The following SH3YL1 variants were observed in gnomAD, a reference collection of about 807,000 sequenced individuals.
The protein encoded by SH3YL1 is SH3 and SYLF domain containing 1.
In SH3YL1, 41 loss-of-function variants were observed where a neutral mutation model predicts 45.8. That is an observed-to-expected ratio of 0.89 (90% CI 0.70 to 1.16). The LOEUF (loss-of-function observed/expected upper bound fraction) is 1.16. Among genes scored for constraint, SH3YL1 ranks in the 50% most tolerant of loss-of-function variants. The pLI is 0.00. For synonymous variants in SH3YL1, 152 were observed against 151.4 expected, an observed-to-expected ratio of 1.00 and a Z score of -0.03; for missense variants, 389 against 409.6, an observed-to-expected ratio of 0.95 and a Z score of 0.43.
intron 1 of SH3YL1, among the ~76,000 whole-genome samples, chr2:255,159 G>C (rs959211817): frequency 6.6e-6 from 1 of 152,196 alleles, no homozygotes; most frequent in African/African-American, 2.4e-5. Flanking sequence ...ACCTGTGTCA[G>C]AGCTCATGTA....
chr2:259,924 T>C (rs1202509646), intron 1 of SH3YL1: 1 of 151,976 alleles, frequency 6.6e-6, no homozygotes, highest in Admixed American at 6.6e-5. Context: ...TTCAATTTCA[T>C]AGTGGAAAAG....
At chr2:255,556 T>A (rs1277521246) in intron 1 of SH3YL1, among the ~76,000 whole-genome samples, 1 of 152,144 alleles carries the variant, frequency 6.6e-6, no homozygotes, top group East Asian at 1.9e-4. Flanking sequence ...ATGACTGGGC[T>A]ACTGCACTCC....
chr2:257,319 A>G (rs371344312), intron 1 of SH3YL1, among the ~76,000 whole-genome samples: 3 of 152,328 alleles, frequency 2.0e-5, no homozygotes, highest in East Asian at 1.9e-4. Flanking sequence ...GATTATGTCC[A>G]CAATGGAATT....
intron 1 of SH3YL1, chr2:263,685 G>A (rs1669705149): frequency 1.3e-5 from 5 of 377,382 alleles, no homozygotes; most frequent in African/African-American, 2.1e-5. Flanking sequence ...GATGGTCGCT[G>A]ACACCTCGCC....
intron 6 of SH3YL1, among the ~76,000 whole-genome samples, chr2:232,620 G>A (rs563334603): frequency 1.3e-5 from 2 of 151,618 alleles, no homozygotes; most frequent in African/African-American, 4.9e-5. Context: ...AGGCCCCAGT[G>A]TGTGATGTTC....
chr2:222,256 G>A (rs1667610918), intron 9 of SH3YL1: 1 of 152,206 alleles, frequency 6.6e-6, no homozygotes, highest in Admixed American at 6.5e-5. Context: ...CAGCATTGGT[G>A]ACTGGCAGCT....
intron 2 of SH3YL1, among the ~76,000 whole-genome samples, chr2:252,422 G>C (rs1285612033): frequency 6.6e-6 from 1 of 152,152 alleles, no homozygotes; most frequent in African/African-American, 2.4e-5. Flanking sequence ...AGGAACATGT[G>C]GTGTTTAGGG....
chr2:249,245 T>C (rs981024168), intron 3 of SH3YL1, among the ~76,000 whole-genome samples: 1 of 152,216 alleles, frequency 6.6e-6, no homozygotes, highest in Admixed American at 6.5e-5. Flanking sequence ...TAAAACTCGA[T>C]GATACTGCTC....
chr2:241,982 A>G (rs1668566425), intron 4 of SH3YL1: 1 of 152,124 alleles, frequency 6.6e-6, no homozygotes, highest in Non-Finnish European at 1.5e-5. Flanking sequence ...ATCACCAGTA[A>G]AGATAATTAT....
At chr2:254,727 C>T (rs1572178360) in intron 1 of SH3YL1, among the ~76,000 whole-genome samples, 1 of 152,298 alleles carries the variant, frequency 6.6e-6, no homozygotes, top group East Asian at 1.9e-4. Context: ...AGCTACACAC[C>T]TCCCTCACAA....
At position 232,602 on chromosome 2, in the gene SH3YL1, C is replaced by T. The variant is rs1004272148; in HGVS notation, c.533+499G>A. The stretch of plus-strand genomic sequence containing the variant: ...TATTATCCTTCCCCCAGCCCCCAAC[C>T]CCCTGAAAGGCCCCAGTGTGTGATG... On this transcript the variant is annotated intron_variant, in intron 6 of 9. Transcript: ENST00000356150. 2.9e-4 allele frequency among the ~76,000 whole-genome samples: 44 copies of T among 151,956 alleles called. 1 individual carries two copies.
chr2:256,085 C>T (rs964643559), intron 1 of SH3YL1: 1 of 152,228 alleles, frequency 6.6e-6, no homozygotes, highest in South Asian at 2.1e-4. Context: ...CACTCCTATA[C>T]CCAGCCCCTG....
At chr2:225,839 G>A (rs1287337442) in intron 8 of SH3YL1, among the ~76,000 whole-genome samples, 1 of 151,996 alleles carries the variant, frequency 6.6e-6, no homozygotes, top group South Asian at 2.1e-4. Flanking sequence ...AACACAAAAG[G>A]CACAGAAATT....
At position 231,028 on chromosome 2, in the gene SH3YL1, A is replaced by C; in HGVS notation, c.697T>G (p.Ser233Ala). ...ARKAAREQRK[S>A]SAKELPPKPL... ...AACATAAAACCAAACGGTACAGAAG[A>C]CTTCCTCTGCTCCCTTGCTGCTTTT... is the stretch of plus-strand genomic sequence containing the variant. Residue 233 changes from serine to alanine, a missense_variant, in exon 7 of 10, where the codon TCT becomes GCT. Coordinates refer to ENST00000356150, the MANE Select transcript of SH3YL1 (RefSeq NM_015677.4). 5 of 1,613,998 alleles carry C rather than the reference A, an allele frequency of 3.1e-6. No individual in the cohort carries two copies. Among genetic ancestry groups the C allele is most frequent in the Non-Finnish European group, 4.2e-6 (5 of 1,179,960 alleles).
chr2:226,090 T>TA (rs1352063885), intron 8 of SH3YL1, among the ~76,000 whole-genome samples: 27 of 152,058 alleles, frequency 1.8e-4, no homozygotes, highest in Admixed American at 1.6e-3. Flanking sequence ...AATGCAAAGA[T>TA]AAAAAAATCA....
intron 8 of SH3YL1, among the ~76,000 whole-genome samples, chr2:228,487 T>A (rs1667882596): frequency 6.6e-6 from 1 of 152,234 alleles, no homozygotes; most frequent in Admixed American, 6.5e-5. Flanking sequence ...ACTAGAATTT[T>A]TATAAATGAG....
intron 4 of SH3YL1, chr2:241,736 G>C (rs1668553696): frequency 6.6e-6 from 1 of 152,024 alleles, no homozygotes; most frequent in South Asian, 2.1e-4. Flanking sequence ...GAAAACAGTA[G>C]GATGACAAAA....
At chr2:231,469 T>C (rs796072344) in intron 6 of SH3YL1, among the ~76,000 whole-genome samples, 81 of 152,352 alleles carry the variant, frequency 5.3e-4, no homozygotes, top group African/African-American at 1.9e-3. Flanking sequence ...GAAATACTTA[T>C]ACTTGCCCAT....
chr2:230,196 A>G lies in SH3YL1; in HGVS notation c.703-152T>C, dbSNP rs573682026. On this transcript the variant is annotated intron_variant, in intron 7 of 9. Coordinates refer to ENST00000356150, the MANE Select transcript of SH3YL1 (RefSeq NM_015677.4). Reference sequence around the variant, plus strand: ...TCAAAGCTCACATGCACCCCTCTGGACTCTATGTAATTGAACTGGATGACA... The same window carrying G: ...TCAAAGCTCACATGCACCCCTCTGGGCTCTATGTAATTGAACTGGATGACA... The G allele has an allele frequency of 4.6e-5, 26 of 570,976 alleles. No homozygotes were observed. In the East Asian group the frequency reaches 7.2e-4, roughly 16 times the overall value. The allele number at this position is 570,976 out of a possible 1,614,324, so 35.4% of individuals were successfully genotyped here.
Sources: allele counts gnomAD v4.1 joint callset (sites outside exome capture counted in the v4.1 genomes callset), GRCh38; gene constraint gnomAD v4.1.1; transcripts MANE v1.5; gene names NCBI Gene and HGNC (gene_info 2026-07-23, HGNC 2026-07-21).